The following RBFOX3 variants were observed in gnomAD, a reference collection of about 807,000 sequenced individuals.
The protein encoded by RBFOX3 is RNA binding protein fox-1 homolog 3.
A neutral mutation model predicts 48.7 loss-of-function variants in RBFOX3; 17 were observed. That is an observed-to-expected ratio of 0.35 (90% confidence interval 0.24 to 0.52). The LOEUF is 0.52. RBFOX3 is among the 20% of genes least tolerant of loss of function. RBFOX3 has a pLI of 0.94. For synonymous variants in RBFOX3, 212 were observed against 209.5 expected (o/e 1.01, Z -0.10); for missense variants, 382 against 497.5 (o/e 0.77, Z 2.21).
chr17:79,596,963 C>A (rs2093585780), intron 1 of RBFOX3, among the ~76,000 whole-genome samples: 1 of 152,204 alleles, frequency 6.6e-6, no homozygotes, highest in Non-Finnish European at 1.5e-5. Context: ...CAAAACCTTC[C>A]CGTTGGCCTT....
At chr17:79,259,131 C>T (rs2065332944) in intron 3 of RBFOX3, among the ~76,000 whole-genome samples, 4 of 152,278 alleles carry the variant, frequency 2.6e-5, no homozygotes, top group Admixed American at 1.3e-4. Context: ...ATGACGACAG[C>T]AGAGCACTGG....
intron 14 of RBFOX3, among the ~76,000 whole-genome samples, chr17:79,091,551 C>A (rs920986703): frequency 3.9e-5 from 6 of 152,216 alleles, no homozygotes; most frequent in African/African-American, 1.4e-4. Context: ...GAGTGGCCCG[C>A]AGGCCACAGG....
intron 1 of RBFOX3, among the ~76,000 whole-genome samples, chr17:79,596,868 G>A (rs1340266343): frequency 4.6e-5 from 7 of 152,174 alleles, no homozygotes; most frequent in East Asian, 3.9e-4. Flanking sequence ...GCCTGTCTAC[G>A]TCAGTACGTC....
intron 4 of RBFOX3, among the ~76,000 whole-genome samples, chr17:79,172,468 G>A (rs1444600558): frequency 6.6e-6 from 1 of 152,158 alleles, no homozygotes; most frequent in East Asian, 1.9e-4. Context: ...TTTCTCCCAG[G>A]CCACCCTGTC....
At position 79,212,325 on chromosome 17, in the gene RBFOX3, C is replaced by T. The variant is rs1237711267; in HGVS notation, c.-34+23441G>A. 6.6e-6 allele frequency among the ~76,000 whole-genome samples: 1 copy of T among 152,060 alleles called. No individual in the cohort carries two copies. Among genetic ancestry groups the T allele is most frequent in the African/African-American group, 2.4e-5 (1 of 41,422 alleles). On this transcript the variant is annotated intron_variant, in intron 4 of 14. Transcript: ENST00000693108. This position sits in a 1 kb window ranked among gnomAD's most constrained non-coding sequence, Gnocchi z 4.7. ...TACGTGACTCCTTTCTCCTCCTCCC[C>T]TCCCCATTTGCCTGGGAGGAAGGAA...
At chr17:79,152,869 G>A (rs1176917360) in intron 4 of RBFOX3, among the ~76,000 whole-genome samples, 3 of 152,206 alleles carry the variant, frequency 2.0e-5, no homozygotes, top group South Asian at 4.1e-4. Context: ...GGACTTCGCC[G>A]CATTGCCCAT....
chr17:79,399,542 T>A (rs1476807787), intron 2 of RBFOX3, among the ~76,000 whole-genome samples: 1 of 151,950 alleles, frequency 6.6e-6, no homozygotes, highest in East Asian at 1.9e-4. Context: ...TCAGGGGTCA[T>A]CAAATTTAGC....
intron 2 of RBFOX3, among the ~76,000 whole-genome samples, chr17:79,411,663 T>C (rs75426114): frequency 0.11 from 17,186 of 152,250 alleles, 1,041 homozygotes; most frequent in Non-Finnish European, 0.13. Flanking sequence ...CCTCATTCCC[T>C]TGTATGTCCC....
intron 2 of RBFOX3, among the ~76,000 whole-genome samples, chr17:79,409,430 T>C (rs2063975343): frequency 6.6e-6 from 1 of 152,242 alleles, no homozygotes; most frequent in Non-Finnish European, 1.5e-5. Flanking sequence ...GCCACCCTGT[T>C]TTCCAGTGGC....
rs1323172717 is a variant in RBFOX3, at chr17:79,090,345, G to A, written c.*538C>T. On this transcript the variant is annotated 3_prime_UTR_variant, in exon 15 of 15. Coordinates refer to ENST00000693108, the MANE Select transcript of RBFOX3 (RefSeq NM_001350451.2). ...GTGGGACGCAGGGGACGCGACAGGA[G>A]GGTGACGGGGCCCAGTGGAGCCCCT... 1 of 153,204 alleles carries A rather than the reference G, an allele frequency of 6.5e-6. No individual in the cohort carries two copies. The highest frequency in any genetic ancestry group is 2.4e-5 in the African/African-American group (1 of 41,476). 9.5% of individuals were successfully genotyped at this position (153,204 alleles called of 1,614,324 possible). A position where few individuals can be genotyped will look rare whatever the true frequency, so the allele number is the denominator to read the frequency against.
chr17:79,200,795 A>ACCCCTGGTCC, intron 4 of RBFOX3, among the ~76,000 whole-genome samples: 1 of 152,106 alleles, frequency 6.6e-6, no homozygotes, highest in Non-Finnish European at 1.5e-5. Context: ...ATGCACCTGG[A>ACCCCTGGTCC]CCCCTGGTCC....
intron 3 of RBFOX3, among the ~76,000 whole-genome samples, chr17:79,301,521 C>G (rs935515600): frequency 1.3e-5 from 2 of 152,254 alleles, no homozygotes; most frequent in African/African-American, 4.8e-5. Context: ...TAAAGGCCAT[C>G]CACAGGCCAG....
At chr17:79,352,564 C>T (rs564542484) in intron 2 of RBFOX3, among the ~76,000 whole-genome samples, 1 of 152,356 alleles carries the variant, frequency 6.6e-6, no homozygotes, top group African/African-American at 2.4e-5. Context: ...ACTGGCCAGG[C>T]ACCGCTGTCT....
intron 4 of RBFOX3, among the ~76,000 whole-genome samples, chr17:79,125,573 G>A (rs991708187): frequency 9.2e-5 from 14 of 151,994 alleles, no homozygotes; most frequent in Non-Finnish European, 2.1e-4. Context: ...AGGCGGCAAG[G>A]AGACAGGCTG....
intron 1 of RBFOX3, among the ~76,000 whole-genome samples, chr17:79,583,874 T>G (rs1015261640): frequency 2.0e-5 from 3 of 151,638 alleles, no homozygotes; most frequent in Non-Finnish European, 4.4e-5. Flanking sequence ...AGGAGGGAAG[T>G]GAACAGAATG....
the RBFOX3 span, among the ~76,000 whole-genome samples, chr17:79,632,224 A>G: frequency 7.1e-4 from 108 of 152,298 alleles, no homozygotes; most frequent in African/African-American, 2.6e-3. Context: ...GAAAGCACGA[A>G]CAGCCTTGGT....
At chr17:79,312,754 C>A (rs1328900643) in intron 2 of RBFOX3, among the ~76,000 whole-genome samples, 1 of 152,196 alleles carries the variant, frequency 6.6e-6, no homozygotes, top group Non-Finnish European at 1.5e-5. Flanking sequence ...ATTTTATTGG[C>A]TTAATAAACT....
At chr17:79,115,059 T>C (rs906217359) in intron 5 of RBFOX3, among the ~76,000 whole-genome samples, 8 of 152,202 alleles carry the variant, frequency 5.3e-5, no homozygotes, top group Admixed American at 1.3e-4. Context: ...CCGAGGCAGC[T>C]CGGAGGGCCC....
chr17:79,445,603 C>G (rs1487009988), intron 2 of RBFOX3, among the ~76,000 whole-genome samples: 1 of 152,192 alleles, frequency 6.6e-6, no homozygotes, highest in Non-Finnish European at 1.5e-5. Flanking sequence ...CTTGCTGTGC[C>G]GAGCTCAGAG....
Sources: allele counts gnomAD v4.1 joint callset (sites outside exome capture counted in the v4.1 genomes callset), GRCh38; gene constraint gnomAD v4.1.1; non-coding constraint Gnocchi (gnomAD v3.1); transcripts MANE v1.5; gene names NCBI Gene and HGNC (gene_info 2026-07-23, HGNC 2026-07-21).